The following TRPC1 variants were observed in gnomAD, a reference collection of about 807,000 sequenced individuals.
The protein encoded by TRPC1 is transient receptor potential cation channel subfamily C member 1.
A neutral mutation model predicts 88.2 loss-of-function variants in TRPC1; 42 were observed. That is an observed-to-expected ratio of 0.48 (90% CI 0.37 to 0.62). The LOEUF (loss-of-function observed/expected upper bound fraction) is 0.62. TRPC1 is among the 20% of genes least tolerant of loss of function. The probability of loss-of-function intolerance (pLI) is 0.00; values close to 1 mark genes in which losing one functional copy is unlikely to be tolerated. For missense variants in TRPC1, 699 were observed against 957.3 expected, an observed-to-expected ratio of 0.73 and a Z score of 3.56; for synonymous variants, 288 against 331.8, an observed-to-expected ratio of 0.87 and a Z score of 1.43.
At chr3:142,742,323 G>A (rs1355467626) in intron 2 of TRPC1, among the ~76,000 whole-genome samples, 2 of 152,090 alleles carry the variant, frequency 1.3e-5, no homozygotes, top group East Asian at 3.9e-4. Flanking sequence ...ATAGGCCACA[G>A]CTCAATGAAC....
intron 5 of TRPC1, among the ~76,000 whole-genome samples, chr3:142,778,139 T>G (rs1288856245): frequency 6.6e-6 from 1 of 152,228 alleles, no homozygotes; most frequent in African/African-American, 2.4e-5. Context: ...ATAATCATCC[T>G]TGAGTAATGA....
chr3:142,751,881 GTCT>G (rs1934777587), intron 4 of TRPC1, among the ~76,000 whole-genome samples: 1 of 152,134 alleles, frequency 6.6e-6, no homozygotes, highest in Non-Finnish European at 1.5e-5. Context: ...CTATTTTCAA[GTCT>G]ATTTTACAAA....
In TRPC1 at chr3:142,776,120, C is replaced by T. The variant is rs1935760270; in HGVS notation, c.633-1512C>T. Among the ~76,000 whole-genome samples, 1 of 152,110 alleles carries T rather than the reference C, an allele frequency of 6.6e-6. No homozygotes were observed. The highest frequency in any genetic ancestry group is 2.1e-4 in the South Asian group (1 of 4,826). ...TATGAGATGAATCTGTATATGGTAACACAGAAAGAGATTCATGATATGTTA... is the reference window on the plus strand; with the variant it reads ...TATGAGATGAATCTGTATATGGTAATACAGAAAGAGATTCATGATATGTTA... On this transcript the variant is annotated intron_variant, in intron 4 of 12. Coordinates refer to ENST00000476941, the MANE Select transcript of TRPC1 (RefSeq NM_001251845.2). This position sits in a 1 kb window ranked among gnomAD's most constrained non-coding sequence, Gnocchi z 4.1.
chr3:142,794,909 G>A (rs1326288965), intron 9 of TRPC1, among the ~76,000 whole-genome samples: 1 of 151,952 alleles, frequency 6.6e-6, no homozygotes, highest in Non-Finnish European at 1.5e-5. Flanking sequence ...CTATCCAAAA[G>A]CAACACAGAT....
Position 142,724,863 on chromosome 3 carries a change from C to A in TRPC1, c.172+132C>A. On this transcript the variant is annotated intron_variant, in intron 1 of 12. Coordinates refer to ENST00000476941, the MANE Select transcript of TRPC1 (RefSeq NM_001251845.2). The surrounding 1 kb of genome is among the most constrained non-coding windows in gnomAD (Gnocchi z 5.6). ...AGTGTCTTCCCGCCTCGCCTGCTGC[C>A]TCAGGCGGTCTTCTCCTCACCGCCT... 1.9e-6 allele frequency: 2 copies of A among 1,080,954 alleles called. No individual in the cohort carries two copies. The highest frequency in any genetic ancestry group is 1.2e-6 in the Non-Finnish European group (1 of 801,594). The allele number at this position is 1,080,954 out of a possible 1,614,324, so 67.0% of individuals were successfully genotyped here.
chr3:142,758,764 G>A (rs1242989546), intron 4 of TRPC1, among the ~76,000 whole-genome samples: 1 of 151,588 alleles, frequency 6.6e-6, no homozygotes, highest in Non-Finnish European at 1.5e-5. Flanking sequence ...TGCCATGTTG[G>A]TGTGCTGCAC....
At chr3:142,731,535 C>A (rs1933912652) in intron 1 of TRPC1, among the ~76,000 whole-genome samples, 2 of 151,856 alleles carry the variant, frequency 1.3e-5, no homozygotes, top group Admixed American at 6.6e-5. Context: ...CAGGTGCCCC[C>A]CACCATGCCC....
intron 4 of TRPC1, among the ~76,000 whole-genome samples, chr3:142,751,285 T>A (rs1042158825): frequency 6.6e-6 from 1 of 152,216 alleles, no homozygotes; most frequent in Admixed American, 6.5e-5. Flanking sequence ...AAATGCCCTG[T>A]ACAGGTATAC....
intron 7 of TRPC1, among the ~76,000 whole-genome samples, chr3:142,785,622 C>T (rs1167623199): frequency 6.6e-6 from 1 of 152,148 alleles, no homozygotes; most frequent in Non-Finnish European, 1.5e-5. Flanking sequence ...CTGCCTTAGC[C>T]TCCCAGTAGC....
chr3:142,735,496 T>C (rs1303467996), intron 1 of TRPC1, among the ~76,000 whole-genome samples: 1 of 152,170 alleles, frequency 6.6e-6, no homozygotes, highest in Non-Finnish European at 1.5e-5. Context: ...CACCTTGGCT[T>C]TTTTTCTCTA....
Position 142,776,503 on chromosome 3 carries a change from AT to A in TRPC1, c.633-1127del, listed in dbSNP as rs1210365664. Among the ~76,000 whole-genome samples, 1 of 152,184 alleles carries A rather than the reference AT, an allele frequency of 6.6e-6. No individual in the cohort carries two copies. The highest frequency in any genetic ancestry group is 1.5e-5 in the Non-Finnish European group (1 of 68,022). On this transcript the variant is annotated intron_variant, in intron 4 of 12. Transcript: ENST00000476941. This position sits in a 1 kb window ranked among gnomAD's most constrained non-coding sequence, Gnocchi z 4.1. ...GATGGCAAAGGGAGTGCTTTTTTAC[AT>A]TACAGACTGTGCATAAGTAAATGAT... is the stretch of plus-strand genomic sequence containing the variant.
At chr3:142,802,099 TG>T in intron 9 of TRPC1, 69 bp from the exon 10 acceptor site, 1 of 1,091,164 alleles carries the variant, frequency 9.2e-7, no homozygotes, top group Non-Finnish European at 1.3e-6. Context: ...CTTTTGTTGC[TG>T]GGTCATTTAT....
rs1308695510 is a variant in TRPC1 at position 142,776,018 on chromosome 3, C to T, written c.633-1614C>T. Among the ~76,000 whole-genome samples, 1 of 152,136 alleles carries T rather than the reference C, an allele frequency of 6.6e-6. No individual in the cohort carries two copies. The highest frequency in any genetic ancestry group is 1.5e-5 in the Non-Finnish European group (1 of 68,024). On this transcript the variant is annotated intron_variant, in intron 4 of 12. Transcript: ENST00000476941. This position sits in a 1 kb window ranked among gnomAD's most constrained non-coding sequence, Gnocchi z 4.1. ...GCAAACTGAAGAATATTCATTGCTG[C>T]ATTTTTTATAGCAGAAAAAAATTAG...
chr3:142,771,129 C>T (rs781529812), intron 4 of TRPC1, among the ~76,000 whole-genome samples: 25 of 152,184 alleles, frequency 1.6e-4, no homozygotes, highest in Non-Finnish European at 2.4e-4. Flanking sequence ...ATGAGGGATC[C>T]ACCTCCATGA....
chr3:142,762,112 C>T (rs529810139), intron 4 of TRPC1, among the ~76,000 whole-genome samples: 10 of 152,096 alleles, frequency 6.6e-5, no homozygotes, highest in South Asian at 2.1e-4. Context: ...CACAGCTCAC[C>T]GCAGCCTTGA....
chr3:142,726,110 C>T (rs1933660705), intron 1 of TRPC1, among the ~76,000 whole-genome samples: 1 of 152,046 alleles, frequency 6.6e-6, no homozygotes, highest in Non-Finnish European at 1.5e-5. Flanking sequence ...AGTGGGTTGC[C>T]TGAGTTCTCT....
chr3:142,790,008 A>G (rs1162864383), intron 7 of TRPC1, among the ~76,000 whole-genome samples: 1 of 152,178 alleles, frequency 6.6e-6, no homozygotes, highest in African/African-American at 2.4e-5. Context: ...AAGTAATACA[A>G]AAGAAAGGTA....
chr3:142,805,119 AATATAT>A (rs202232627), intron 12 of TRPC1, among the ~76,000 whole-genome samples: 16 of 96,026 alleles, frequency 1.7e-4, no homozygotes, highest in African/African-American at 7.3e-4. Flanking sequence ...CAAACAAACA[AATATAT>A]ATATACACAC....
intron 4 of TRPC1, among the ~76,000 whole-genome samples, chr3:142,775,757 A>G (rs77907593): frequency 0.011 from 1,681 of 152,374 alleles, 16 homozygotes; most frequent in Non-Finnish European, 0.018. Context: ...GGCAAGTTAC[A>G]GAGGAAGAAG....
Sources: gnomAD v4.1 joint callset for allele counts (sites outside exome capture counted in the v4.1 genomes callset) on GRCh38, gnomAD v4.1.1 for gene constraint, Gnocchi (gnomAD v3.1) non-coding constraint, MANE v1.5 for transcripts, NCBI Gene and HGNC (gene_info 2026-07-23, HGNC 2026-07-21) for gene names.